NRXN3: variants seen among roughly 807,000 people sequenced by gnomAD.
NRXN3 encodes the protein neurexin III.
A neutral mutation model predicts 137.6 loss-of-function variants in NRXN3; 32 were observed. The observed-to-expected ratio is 0.23, with a 90% CI of 0.18 to 0.31. The LOEUF is 0.31. Among genes scored for constraint, NRXN3 ranks in the 10% least tolerant of loss-of-function variants. The pLI, the probability that NRXN3 is intolerant of heterozygous loss-of-function variation, is 1.00. For missense variants in NRXN3, 1,574 were observed against 2,062.5 expected (o/e 0.76, Z 4.59); for synonymous variants, 798 against 784.5 (o/e 1.02, Z -0.29).
At chr14:78,975,577 C>G (rs2099462108) in intron 14 of NRXN3, among the ~76,000 whole-genome samples, 1 of 152,098 alleles carries the variant, frequency 6.6e-6, no homozygotes, top group South Asian at 2.1e-4. Context: ...ATCACTCTGA[C>G]ACTAGAATGG....
At chr14:79,822,657 T>C (rs1298958377) in intron 20 of NRXN3, among the ~76,000 whole-genome samples, 1 of 152,196 alleles carries the variant, frequency 6.6e-6, no homozygotes, top group Admixed American at 6.5e-5. Context: ...TAAAGTTTTA[T>C]TGTGAACTAA....
At chr14:78,507,775 T>G (rs1263655134) in intron 4 of NRXN3, among the ~76,000 whole-genome samples, 1 of 152,146 alleles carries the variant, frequency 6.6e-6, no homozygotes, top group Non-Finnish European at 1.5e-5. Context: ...TAAATAAGCA[T>G]CCATTTTATA....
chr14:78,880,097 G>A (rs1056272901), intron 10 of NRXN3, among the ~76,000 whole-genome samples: 4 of 147,958 alleles, frequency 2.7e-5, no homozygotes, highest in Non-Finnish European at 4.4e-5. Context: ...AAAATTAGCC[G>A]GGCGTAGTGG....
intron 10 of NRXN3, among the ~76,000 whole-genome samples, chr14:78,824,440 C>G (rs1024840885): frequency 2.0e-5 from 3 of 152,104 alleles, no homozygotes; most frequent in African/African-American, 7.2e-5. Context: ...CCATCTAGCA[C>G]GGTGCTAATC....
At chr14:78,535,630 A>G (rs1390066595) in intron 4 of NRXN3, among the ~76,000 whole-genome samples, 1 of 152,204 alleles carries the variant, frequency 6.6e-6, no homozygotes, top group Non-Finnish European at 1.5e-5. Flanking sequence ...GAGGAGGAAA[A>G]GACTAAAAAG....
intron 20 of NRXN3, among the ~76,000 whole-genome samples, chr14:79,845,344 CA>C (rs2099364874): frequency 6.6e-6 from 1 of 152,202 alleles, no homozygotes; most frequent in Non-Finnish European, 1.5e-5. Context: ...CTGTTTGGCC[CA>C]AAAGGCCTAG....
chr14:79,774,378 T>C (rs1272405723), intron 19 of NRXN3, among the ~76,000 whole-genome samples: 1 of 152,198 alleles, frequency 6.6e-6, no homozygotes, highest in Non-Finnish European at 1.5e-5. Context: ...GCCAGGCTTA[T>C]GGCGACCTTG....
At chr14:79,317,277 G>A (rs2088996899) in intron 15 of NRXN3, among the ~76,000 whole-genome samples, 1 of 152,116 alleles carries the variant, frequency 6.6e-6, no homozygotes, top group African/African-American at 2.4e-5. Flanking sequence ...TCTCTCTGGA[G>A]GCTCTCAGGG....
intron 15 of NRXN3, among the ~76,000 whole-genome samples, chr14:79,044,470 G>T (rs1179050567): frequency 6.6e-6 from 1 of 152,156 alleles, no homozygotes; most frequent in Non-Finnish European, 1.5e-5. Context: ...AATAATGATT[G>T]TACCTTTTTC....
intron 4 of NRXN3, among the ~76,000 whole-genome samples, chr14:78,538,412 T>C (rs1282000360): frequency 6.6e-6 from 1 of 152,180 alleles, no homozygotes; most frequent in Non-Finnish European, 1.5e-5. Context: ...TGGCTCTCAG[T>C]TTGTCTGTTA....
chr14:78,179,958 G>T lies in NRXN3; in HGVS notation c.-704+9284G>T, dbSNP rs192462710. On this transcript the variant is annotated intron_variant, in intron 1 of 20. Coordinates refer to ENST00000335750, the MANE Select transcript of NRXN3 (RefSeq NM_001330195.2). ...CCTCCTGGGTTCAAGGGATTCTCCT[G>T]CCTCAGCCTCCCAAGAAGCTGGGAT... 4.9e-3 allele frequency among the ~76,000 whole-genome samples: 736 copies of T among 151,306 alleles called. 5 individuals are homozygous for T. Among genetic ancestry groups the T allele is most frequent in the African/African-American group, 0.017 (687 of 41,204 alleles).
At chr14:78,706,888 G>A (rs539697473) in intron 6 of NRXN3, among the ~76,000 whole-genome samples, 1 of 152,232 alleles carries the variant, frequency 6.6e-6, no homozygotes, top group South Asian at 2.1e-4. Context: ...ATGAGAGATG[G>A]GAACTAATTC....
At chr14:78,629,480 T>C (rs916552678) in intron 4 of NRXN3, among the ~76,000 whole-genome samples, 5 of 152,200 alleles carry the variant, frequency 3.3e-5, no homozygotes, top group African/African-American at 1.2e-4. Flanking sequence ...CACTCGGGAA[T>C]GCAAGACAGA....
At position 79,645,754 on chromosome 14, in the gene NRXN3, A is replaced by T. The variant is rs1054714838; in HGVS notation, c.3445-18024A>T. 2.9e-5 allele frequency among the ~76,000 whole-genome samples: 4 copies of T among 135,880 alleles called. 1 individual carries two copies. In the Admixed American group the frequency reaches 3.1e-4, roughly 11 times the overall value. The allele number at this position is 135,880 out of a possible 152,430, so 89.1% of individuals were successfully genotyped here. ...TATGGATGGGAGGGAAGGTTCAGAA[A>T]GTTTGGTGACAATACTGGGAAAAAA... On this transcript the variant is annotated intron_variant, in intron 16 of 20. Coordinates refer to ENST00000335750, the MANE Select transcript of NRXN3 (RefSeq NM_001330195.2).
intron 2 of NRXN3, among the ~76,000 whole-genome samples, chr14:78,244,999 T>C (rs953580638): frequency 6.6e-6 from 1 of 152,174 alleles, no homozygotes; most frequent in African/African-American, 2.4e-5. Context: ...AAAATCCAAA[T>C]TCCTGGACTT....
chr14:78,307,639 G>T (rs947248034), intron 4 of NRXN3, among the ~76,000 whole-genome samples: 2 of 152,100 alleles, frequency 1.3e-5, no homozygotes, highest in Admixed American at 1.3e-4. Flanking sequence ...GCATTTAGTG[G>T]TAAGCAGAAT....
intron 1 of NRXN3, among the ~76,000 whole-genome samples, chr14:78,212,745 G>C (rs997176239): frequency 6.6e-6 from 1 of 152,114 alleles, no homozygotes; most frequent in Admixed American, 6.5e-5. Flanking sequence ...ATCTTTAGTT[G>C]TTTTTAATGG....
intron 10 of NRXN3, among the ~76,000 whole-genome samples, chr14:78,935,032 C>T (rs1324053293): frequency 2.0e-5 from 3 of 152,092 alleles, no homozygotes; most frequent in Admixed American, 2.0e-4. Flanking sequence ...TCCTGTGCTT[C>T]CCTGGGCCTA....
At chr14:78,413,466 G>A (rs772139799) in intron 4 of NRXN3, among the ~76,000 whole-genome samples, 10 of 152,152 alleles carry the variant, frequency 6.6e-5, no homozygotes, top group Non-Finnish European at 1.2e-4. Flanking sequence ...TCTATTTTCA[G>A]TAGAGACGAG....
Sources: allele counts gnomAD v4.1 joint callset (sites outside exome capture counted in the v4.1 genomes callset), GRCh38; gene constraint gnomAD v4.1.1; transcripts MANE v1.5; gene names NCBI Gene and HGNC (gene_info 2026-07-23, HGNC 2026-07-21).